The following THAP12 variants were observed in gnomAD, a reference collection of about 807,000 sequenced individuals.
THAP12 encodes the protein 52 kDa repressor of the inhibitor of the protein kinase.
THAP12 carries 20 observed loss-of-function variants against 63.0 expected under a neutral mutation model. The ratio of observed to expected loss-of-function variants is 0.32; its 90% CI spans 0.22 to 0.46. The LOEUF is 0.46. THAP12 is among the 20% of genes least tolerant of loss of function. The probability of loss-of-function intolerance (pLI) is 1.00; values close to 1 mark genes in which losing one functional copy is unlikely to be tolerated. For missense variants in THAP12, 568 were observed against 908.2 expected, an observed-to-expected ratio of 0.63 and a Z score of 4.81; for synonymous variants, 264 against 328.4, an observed-to-expected ratio of 0.80 and a Z score of 2.12.
rs910241712 is a variant in THAP12 at position 76,381,066 on chromosome 11, A to ACCG, written c.-233_-231dup. 14 of 201,434 alleles carry ACCG rather than the reference A, an allele frequency of 7.0e-5. No homozygotes were observed. The highest frequency in any genetic ancestry group is 5.7e-4 in the South Asian group (3 of 5,258). The allele number at this position is 201,434 out of a possible 1,614,324, so 12.5% of individuals were successfully genotyped here. A position where few individuals can be genotyped will look rare whatever the true frequency, so the allele number is the denominator to read the frequency against. On this transcript the variant is annotated 5_prime_UTR_variant, in exon 1 of 5. Transcript: ENST00000260045. ...GTGCTGTGAGCGGCCGGGAGGATTT[A>ACCG]CCGCCGCCGCCGCCGCTGGTGCACC...
intron 1 of THAP12, among the ~76,000 whole-genome samples, chr11:76,372,944 G>A (rs1280011723): frequency 6.6e-6 from 1 of 151,852 alleles, no homozygotes; most frequent in Non-Finnish European, 1.5e-5. Context: ...ATTTTATCCT[G>A]TCCTACCTGC....
At chr11:76,359,266 T>C (rs1565232415) in intron 3 of THAP12, 2 of 152,198 alleles carry the variant, frequency 1.3e-5, no homozygotes, top group Admixed American at 1.3e-4. Context: ...TATTCTAATA[T>C]TCTTTTCAAA....
intron 1 of THAP12, among the ~76,000 whole-genome samples, chr11:76,380,201 A>T (rs985399777): frequency 7.9e-5 from 12 of 152,196 alleles, no homozygotes; most frequent in Non-Finnish European, 1.6e-4. Context: ...CAAGCGAGAA[A>T]ATGAGTAACG....
At chr11:76,370,313 A>G (rs1304545916) in intron 1 of THAP12, among the ~76,000 whole-genome samples, 1 of 152,060 alleles carries the variant, frequency 6.6e-6, no homozygotes, top group East Asian at 1.9e-4. Context: ...TTACTCTGAA[A>G]ATCCAACATG....
At chr11:76,362,823 T>C (rs1243026589) in intron 2 of THAP12, among the ~76,000 whole-genome samples, 1 of 152,072 alleles carries the variant, frequency 6.6e-6, no homozygotes, top group Non-Finnish European at 1.5e-5. Flanking sequence ...ACAGAATGTA[T>C]GAATGAAAAA....
At chr11:76,360,301 T>A (rs950415030) in intron 3 of THAP12, among the ~76,000 whole-genome samples, 1 of 151,982 alleles carries the variant, frequency 6.6e-6, no homozygotes, top group African/African-American at 2.4e-5. Context: ...GGAATGGTAA[T>A]GGTAATAGTG....
At chr11:76,364,065 T>C (rs115771737) in intron 2 of THAP12, among the ~76,000 whole-genome samples, 5,356 of 152,358 alleles carry the variant, frequency 0.035, 120 homozygotes, top group Non-Finnish European at 0.053. Context: ...AATGTAAGAA[T>C]GAACTATCCT....
intron 2 of THAP12, among the ~76,000 whole-genome samples, chr11:76,363,082 G>A (rs1946608196): frequency 6.6e-6 from 1 of 152,170 alleles, no homozygotes; most frequent in Non-Finnish European, 1.5e-5. Context: ...GGTCGGGGCT[G>A]CAGTGAGCCA....
intron 1 of THAP12, among the ~76,000 whole-genome samples, chr11:76,369,299 G>T (rs1193767946): frequency 1.3e-5 from 2 of 152,196 alleles, no homozygotes; most frequent in African/African-American, 2.4e-5. Context: ...ATAAATTGTG[G>T]TATATTCATT....
chr11:76,356,531 A>C (rs1041590030), intron 3 of THAP12: 5 of 152,228 alleles, frequency 3.3e-5, no homozygotes, highest in African/African-American at 1.2e-4. Flanking sequence ...TCATCCTGAT[A>C]CATATTACAC....
At chr11:76,359,697 A>G (rs1946584743) in intron 3 of THAP12, 1 of 151,990 alleles carries the variant, frequency 6.6e-6, no homozygotes, top group South Asian at 2.1e-4. Context: ...CGTGGTGGTG[A>G]GCGCCTGTAG....
At chr11:76,363,170 T>C (rs1331167783) in intron 2 of THAP12, among the ~76,000 whole-genome samples, 1 of 151,858 alleles carries the variant, frequency 6.6e-6, no homozygotes, top group South Asian at 2.1e-4. Context: ...ATAAAAAATA[T>C]AAATATCTAT....
chr11:76,366,736 G>A (rs1946634117), intron 1 of THAP12, among the ~76,000 whole-genome samples: 1 of 151,664 alleles, frequency 6.6e-6, no homozygotes, highest in South Asian at 2.1e-4. Flanking sequence ...AGTTTCTAAG[G>A]GAAGCATAAA....
At chr11:76,359,332 ATTTT>A (rs538133536) in intron 3 of THAP12, 2 of 151,918 alleles carry the variant, frequency 1.3e-5, no homozygotes, top group African/African-American at 2.4e-5. Context: ...ATTTTATGGG[ATTTT>A]TTTTCTCTTC....
At chr11:76,375,507 T>C (rs558532411) in intron 1 of THAP12, among the ~76,000 whole-genome samples, 1 of 152,136 alleles carries the variant, frequency 6.6e-6, no homozygotes, top group Non-Finnish European at 1.5e-5. Flanking sequence ...AGAACTATTA[T>C]GGTATGTGAT....
chr11:76,363,689 A>C (rs1282616939), intron 2 of THAP12, among the ~76,000 whole-genome samples: 1 of 152,220 alleles, frequency 6.6e-6, no homozygotes, highest in Non-Finnish European at 1.5e-5. Context: ...CCTTGGTTCA[A>C]GCGATTCTCC....
chr11:76,350,953 G>A lies in THAP12; in HGVS notation c.2197C>T (p.Leu733=). Residue 733 remains leucine (L), a synonymous_variant, in exon 5 of 5, where the codon CTG becomes TTG. Coordinates refer to ENST00000260045, the MANE Select transcript of THAP12 (RefSeq NM_004705.4). ...ATATATGTGTCCACCATTAAATCCA[G>A]GTCGTGTTTTATATCAAAATTTATG... ...LNINFDIKHD[L]DLMVDTYIKL... is the part of the protein sequence containing the mutation. The A allele has an allele frequency of 6.2e-7, 1 of 1,610,866 alleles. No individual in the cohort carries two copies. The highest frequency in any genetic ancestry group is 8.5e-7 in the Non-Finnish European group (1 of 1,179,294).
intron 2 of THAP12, chr11:76,364,426 A>T (rs771600839): frequency 2.3e-6 from 1 of 437,648 alleles, no homozygotes; most frequent in Admixed American, 2.6e-5. Flanking sequence ...GCCTCTGCAA[A>T]ATGTATCTGA....
intron 1 of THAP12, among the ~76,000 whole-genome samples, chr11:76,376,623 TG>T (rs59811741): frequency 0.036 from 5,159 of 141,972 alleles, 179 homozygotes; most frequent in Middle Eastern, 0.067. Flanking sequence ...ATGTTTTTTT[TG>T]TTTTTTTTTT....
Sources: gnomAD v4.1 joint callset for allele counts (sites outside exome capture counted in the v4.1 genomes callset) on GRCh38, gnomAD v4.1.1 for gene constraint, MANE v1.5 for transcripts, NCBI Gene and HGNC (gene_info 2026-07-23, HGNC 2026-07-21) for gene names.